The following FOXP2 variants were observed in gnomAD, a reference collection of about 807,000 sequenced individuals.
The protein encoded by FOXP2 is forkhead box protein P2.
A neutral mutation model predicts 115.8 loss-of-function variants in FOXP2; 12 were observed. That is an observed-to-expected ratio of 0.10 (90% CI 0.07 to 0.17). The LOEUF (loss-of-function observed/expected upper bound fraction) is 0.17. Among genes scored for constraint, FOXP2 ranks in the 10% least tolerant of loss-of-function variants. The pLI is 1.00. For synonymous variants in FOXP2, 328 were observed against 297.7 expected (o/e 1.10, Z -1.05); for missense variants, 629 against 843.5 (o/e 0.75, Z 3.15).
Position 114,220,224 on chromosome 7 carries a change from C to T in FOXP2, c.-102+57136C>T, listed in dbSNP as rs547732728. Among the ~76,000 whole-genome samples, 688 of 151,754 alleles carry T rather than the reference C, an allele frequency of 4.5e-3. 7 individuals carry two copies. Among genetic ancestry groups the T allele is most frequent in the African/African-American group, 0.016 (652 of 41,388 alleles). On this transcript the variant is annotated intron_variant, in intron 1 of 17. Transcript: ENST00000634411. ...TGGCTAGGCTTAGTTGTAGTTGTTT[C>T]TTTTTTTCTCCTAAAAATATTGCAA...
chr7:114,150,323 A>G (rs1335882915), intron 1 of FOXP2, among the ~76,000 whole-genome samples: 2 of 152,018 alleles, frequency 1.3e-5, no homozygotes, highest in East Asian at 1.9e-4. Flanking sequence ...TTGTGTTGTC[A>G]TTAAAAAGTT....
intron 1 of FOXP2, among the ~76,000 whole-genome samples, chr7:114,251,368 A>G (rs1795437029): frequency 6.6e-6 from 1 of 152,198 alleles, no homozygotes; most frequent in Non-Finnish European, 1.5e-5. Context: ...ATGACATTGA[A>G]TCTATAAATT....
chr7:114,659,462 A>G (rs543143573), intron 12 of FOXP2, 30 bp downstream of exon 12: 1 of 1,601,756 alleles, frequency 6.2e-7, no homozygotes, highest in Non-Finnish European at 8.6e-7. Flanking sequence ...ACTTTGCCTG[A>G]TTAAATTAAA....
At chr7:114,593,286 A>C (rs1032910077) in intron 3 of FOXP2, among the ~76,000 whole-genome samples, 3 of 151,986 alleles carry the variant, frequency 2.0e-5, no homozygotes, top group Non-Finnish European at 4.4e-5. Flanking sequence ...AATATAGCCC[A>C]GAAAAAAATT....
At chr7:114,199,927 G>T (rs1794017823) in intron 1 of FOXP2, among the ~76,000 whole-genome samples, 2 of 151,998 alleles carry the variant, frequency 1.3e-5, no homozygotes, top group African/African-American at 4.8e-5. Context: ...TCTTCTCTTG[G>T]TAAAACTTTT....
chr7:114,321,642 A>T (rs1235170566), intron 2 of FOXP2, among the ~76,000 whole-genome samples: 2 of 152,196 alleles, frequency 1.3e-5, no homozygotes. Flanking sequence ...AAACGTGTGT[A>T]TAAGGCACAG....
At chr7:114,314,936 C>A (rs1266068459) in intron 2 of FOXP2, among the ~76,000 whole-genome samples, 1 of 152,118 alleles carries the variant, frequency 6.6e-6, no homozygotes, top group African/African-American at 2.4e-5. Context: ...GGCTATTTAA[C>A]ATTTCTCATG....
At chr7:114,377,657 G>A (rs1343849568) in intron 2 of FOXP2, among the ~76,000 whole-genome samples, 1 of 152,176 alleles carries the variant, frequency 6.6e-6, no homozygotes, top group Non-Finnish European at 1.5e-5. Flanking sequence ...TTCTGGCGAA[G>A]GATGGGACAG....
At chr7:114,451,754 T>C (rs900838412) in intron 2 of FOXP2, among the ~76,000 whole-genome samples, 1 of 152,020 alleles carries the variant, frequency 6.6e-6, no homozygotes, top group African/African-American at 2.4e-5. Context: ...TAATAAGTGC[T>C]CTACAGAAAA....
intron 1 of FOXP2, among the ~76,000 whole-genome samples, chr7:114,218,187 G>A (rs191120449): frequency 2.6e-5 from 4 of 152,162 alleles, no homozygotes; most frequent in African/African-American, 4.8e-5. Flanking sequence ...TTAACTTGCC[G>A]ATGTACTATT....
intron 1 of FOXP2, among the ~76,000 whole-genome samples, chr7:114,098,561 C>G (rs1464311654): frequency 1.3e-5 from 2 of 152,052 alleles, no homozygotes; most frequent in East Asian, 1.9e-4. Flanking sequence ...ACACCAGATA[C>G]AAAAGTCAAT....
chr7:114,210,265 G>C (rs777194766), intron 1 of FOXP2, among the ~76,000 whole-genome samples: 28 of 152,266 alleles, frequency 1.8e-4, no homozygotes, highest in Non-Finnish European at 3.5e-4. Flanking sequence ...ATCTTTGTGG[G>C]CTTATCTACC....
chr7:114,614,093 G>A (rs1199531386), intron 3 of FOXP2, among the ~76,000 whole-genome samples: 2 of 152,162 alleles, frequency 1.3e-5, no homozygotes, highest in South Asian at 4.2e-4. Flanking sequence ...GTTTTTAGAA[G>A]TAGAATTCCT....
chr7:114,642,529 A>G lies in FOXP2; in HGVS notation c.895A>G (p.Thr299Ala). Residue 299 changes from threonine to alanine, a missense_variant, in exon 7 of 17, where the codon ACT becomes GCT. Physicochemically the swap from Thr to Ala is moderately conservative, Grantham distance 58. This residue lies in a region of FOXP2 where 92 missense variants were observed against 80.1 expected (regional missense o/e 1.15). Coordinates refer to ENST00000350908, the MANE Select transcript of FOXP2 (RefSeq NM_014491.4). ...CCTCACTACTAACAATTCCTCCTCG[A>G]CTACCTCCTCCAACACTTCCAAAGC... ...LDLTTNNSSS[T>A]TSSNTSKASP... The G allele has an allele frequency of 6.2e-7, 1 of 1,613,832 alleles. No individual in the cohort carries two copies. The highest frequency in any genetic ancestry group is 8.5e-7 in the Non-Finnish European group (1 of 1,179,946).
chr7:114,509,454 A>T (rs958385325), intron 2 of FOXP2, among the ~76,000 whole-genome samples: 2 of 152,084 alleles, frequency 1.3e-5, no homozygotes, highest in Non-Finnish European at 2.9e-5. Context: ...AGAAGAAACG[A>T]TAGGAGCTTG....
At chr7:114,425,073 T>C (rs948884970) in intron 1 of FOXP2, among the ~76,000 whole-genome samples, 2 of 151,618 alleles carry the variant, frequency 1.3e-5, no homozygotes, top group African/African-American at 4.8e-5. Flanking sequence ...TGATTCTTTT[T>C]GTATTTAGTG....
intron 3 of FOXP2, among the ~76,000 whole-genome samples, chr7:114,572,492 T>A (rs1371407004): frequency 6.6e-6 from 1 of 151,876 alleles, no homozygotes; most frequent in Non-Finnish European, 1.5e-5. Context: ...TTTCTAAGTA[T>A]TCTCTGTATA....
chr7:114,162,580 A>T (rs910356012), upstream of FOXP2, among the ~76,000 whole-genome samples: 1 of 152,112 alleles, frequency 6.6e-6, no homozygotes, highest in African/African-American at 2.4e-5. Context: ...AATGAGTAAA[A>T]ATATCTCATA....
chr7:114,603,610 G>A (rs949137167), intron 3 of FOXP2, among the ~76,000 whole-genome samples: 1 of 152,184 alleles, frequency 6.6e-6, no homozygotes, highest in Non-Finnish European at 1.5e-5. Flanking sequence ...AAATGTCAGT[G>A]TGTTACATAA....
Sources: allele counts gnomAD v4.1 joint callset (sites outside exome capture counted in the v4.1 genomes callset), GRCh38; gene constraint gnomAD v4.1.1; regional missense constraint gnomAD v4.1.1; transcripts MANE v1.5; gene names NCBI Gene and HGNC (gene_info 2026-07-23, HGNC 2026-07-21).